MIB1: variants seen among roughly 807,000 people sequenced by gnomAD.
MIB1 encodes E3 ubiquitin-protein ligase MIB1.
MIB1 carries 278 observed loss-of-function variants against 124.5 expected under a neutral mutation model. That is an observed-to-expected ratio of 2.23 (90% CI 2.02 to 2.47). The LOEUF is 2.47. Among genes scored for constraint, MIB1 ranks in the 30% most tolerant of loss-of-function variants. The pLI, the probability that MIB1 is intolerant of heterozygous loss-of-function variation, is 0.00. For synonymous variants in MIB1, 446 were observed against 429.4 expected, an observed-to-expected ratio of 1.04 and a Z score of -0.48; for missense variants, 957 against 1,254.4, an observed-to-expected ratio of 0.76 and a Z score of 3.58.
At chr18:21,837,961 A>C (rs554898588) in intron 12 of MIB1, among the ~76,000 whole-genome samples, 1 of 152,282 alleles carries the variant, frequency 6.6e-6, no homozygotes, top group Admixed American at 6.5e-5. Flanking sequence ...ACTGAACCTG[A>C]GAGGTTCCCC....
chr18:21,824,546 T>C (rs1351203948), intron 12 of MIB1, among the ~76,000 whole-genome samples: 2 of 152,152 alleles, frequency 1.3e-5, no homozygotes, highest in Non-Finnish European at 2.9e-5. Flanking sequence ...TGTATGCTCA[T>C]GCATCTACTC....
intron 1 of MIB1, among the ~76,000 whole-genome samples, chr18:21,709,591 C>T (rs1375438187): frequency 6.6e-6 from 1 of 152,164 alleles, no homozygotes; most frequent in Non-Finnish European, 1.5e-5. Context: ...TAGGTTGTAT[C>T]TCACCTTCCT....
Position 21,837,231 on chromosome 18 carries a change from G to A in MIB1, c.1830-1134G>A, listed in dbSNP as rs537184264. Reference sequence around the variant, plus strand: ...TGTTTAAAAAGTCTAATAAAAGGCCGGGCGCAGTGGCTCACGCCTGTAATC... The same window carrying A: ...TGTTTAAAAAGTCTAATAAAAGGCCAGGCGCAGTGGCTCACGCCTGTAATC... On this transcript the variant is annotated intron_variant, in intron 12 of 20. Coordinates refer to ENST00000261537, the MANE Select transcript of MIB1 (RefSeq NM_020774.4). Among the ~76,000 whole-genome samples, 7 of 152,284 alleles carry A rather than the reference G, an allele frequency of 4.6e-5. No individual in the cohort carries two copies. In the South Asian group the frequency reaches 1.5e-3, roughly 32 times the overall value.
intron 17 of MIB1, among the ~76,000 whole-genome samples, chr18:21,852,870 T>C (rs2042193430): frequency 6.6e-6 from 1 of 152,214 alleles, no homozygotes; most frequent in Admixed American, 6.5e-5. Context: ...AGAGGCTTCC[T>C]CAGAGGAAAT....
In MIB1 at chr18:21,815,704, T is replaced by A; in HGVS notation, c.1568T>A (p.Leu523Ter). The A allele has an allele frequency of 3.1e-6, 5 of 1,614,182 alleles. No individual in the cohort carries two copies. The highest frequency in any genetic ancestry group is 4.2e-6 in the Non-Finnish European group (5 of 1,180,030). Residue 523 changes from leucine to a stop codon, truncating the protein, a stop_gained, in exon 11 of 21, where the codon TTG (leucine) becomes TAG (stop). Transcript: ENST00000261537. LOFTEE classifies it high-confidence loss of function. ...IEVLHRGSAD[L>*]NARNKRRQTP... is the part of the protein sequence containing the mutation. ...GTACTACATCGAGGTAGTGCTGATT[T>A]GAATGCTCGAAACAAGCGCCGACAG...
chr18:21,716,434 A>T (rs927882300), intron 1 of MIB1, among the ~76,000 whole-genome samples: 7 of 152,194 alleles, frequency 4.6e-5, no homozygotes, highest in African/African-American at 1.7e-4. Flanking sequence ...ATCTTACAGG[A>T]CCTATAAAAC....
intron 1 of MIB1, among the ~76,000 whole-genome samples, chr18:21,746,113 C>T (rs932602650): frequency 1.2e-4 from 19 of 152,194 alleles, no homozygotes; most frequent in African/African-American, 4.6e-4. Flanking sequence ...TCATTTGTTC[C>T]CTAGTTCCAC....
chr18:21,775,826 T>C (rs942763286), intron 4 of MIB1, among the ~76,000 whole-genome samples: 1 of 152,220 alleles, frequency 6.6e-6, no homozygotes, highest in African/African-American at 2.4e-5. Context: ...GATCTCTTGA[T>C]GGGTACCTGG....
intron 10 of MIB1, among the ~76,000 whole-genome samples, chr18:21,806,206 T>C (rs1446145081): frequency 7.5e-6 from 1 of 132,590 alleles, no homozygotes; most frequent in African/African-American, 3.2e-5. Context: ...CCTGGCCAGA[T>C]TTTTTTTTTT....
chr18:21,827,573 A>G (rs1208586395), intron 12 of MIB1: 1 of 152,104 alleles, frequency 6.6e-6, no homozygotes, highest in South Asian at 2.1e-4. Context: ...GGACCTATAC[A>G]GGTAAACTTA....
chr18:21,727,872 C>T (rs2040749787), intron 1 of MIB1, among the ~76,000 whole-genome samples: 1 of 152,158 alleles, frequency 6.6e-6, no homozygotes, highest in African/African-American at 2.4e-5. Context: ...ATGAATTCTG[C>T]AAGCAATCAC....
At chr18:21,765,117 C>G (rs562151484) in intron 1 of MIB1, among the ~76,000 whole-genome samples, 19 of 152,164 alleles carry the variant, frequency 1.2e-4, no homozygotes, top group Non-Finnish European at 2.6e-4. Context: ...TAATGTCTGT[C>G]TCATTCATCC....
At chr18:21,754,907 GA>G (rs2041013659) in intron 1 of MIB1, among the ~76,000 whole-genome samples, 2 of 152,272 alleles carry the variant, frequency 1.3e-5, no homozygotes, top group African/African-American at 4.8e-5. Flanking sequence ...ATCCGTTGGG[GA>G]GTATTGGAAA....
At chr18:21,821,186 G>A (rs966694646) in intron 12 of MIB1, among the ~76,000 whole-genome samples, 1 of 151,906 alleles carries the variant, frequency 6.6e-6, no homozygotes, top group Non-Finnish European at 1.5e-5. Context: ...TTTGATTTCA[G>A]TCTTTTTCTT....
intron 13 of MIB1, 150 bp from the exon 14 acceptor site, chr18:21,842,981 C>G (rs1462650393): frequency 1.8e-6 from 1 of 542,160 alleles, no homozygotes; most frequent in Non-Finnish European, 3.2e-6. Context: ...TTAACAGCAA[C>G]TGTTACCATA....
At chr18:21,775,922 C>T (rs1294677069) in intron 4 of MIB1, among the ~76,000 whole-genome samples, 2 of 151,970 alleles carry the variant, frequency 1.3e-5, no homozygotes, top group Non-Finnish European at 2.9e-5. Flanking sequence ...GGGTATATTT[C>T]CTTAGGATAG....
intron 12 of MIB1, among the ~76,000 whole-genome samples, chr18:21,836,452 TATA>T (rs2042033673): frequency 1.3e-5 from 2 of 152,070 alleles, no homozygotes; most frequent in South Asian, 4.1e-4. Flanking sequence ...CTACAAAACT[TATA>T]ATGAAAGAGA....
At chr18:21,821,295 A>G (rs1372392948) in intron 12 of MIB1, among the ~76,000 whole-genome samples, 1 of 152,100 alleles carries the variant, frequency 6.6e-6, no homozygotes, top group Non-Finnish European at 1.5e-5. Flanking sequence ...GTCTGTTAAC[A>G]TAGAATACAA....
At chr18:21,761,217 C>T (rs1043503172) in intron 1 of MIB1, among the ~76,000 whole-genome samples, 3 of 144,664 alleles carry the variant, frequency 2.1e-5, no homozygotes, top group African/African-American at 7.4e-5. Context: ...TTCTCGGTCA[C>T]ACAAAGTGGT....
Sources: allele counts gnomAD v4.1 joint callset (sites outside exome capture counted in the v4.1 genomes callset), GRCh38; gene constraint gnomAD v4.1.1; transcripts MANE v1.5; gene names NCBI Gene and HGNC (gene_info 2026-07-23, HGNC 2026-07-21).